TAGAP: variants seen among roughly 807,000 people sequenced by gnomAD.
TAGAP encodes the protein T-cell activation Rho GTPase-activating protein.
In TAGAP, 16 loss-of-function variants were observed where a neutral mutation model predicts 36.0. The observed-to-expected ratio is 0.44, with a 90% CI of 0.30 to 0.68. The LOEUF is 0.68. TAGAP is among the 30% of genes least tolerant of loss of function. The pLI, the probability that TAGAP is intolerant of heterozygous loss-of-function variation, is 0.09. For synonymous variants in TAGAP, 372 were observed against 377.4 expected, an observed-to-expected ratio of 0.99 and a Z score of 0.17; for missense variants, 794 against 921.5, an observed-to-expected ratio of 0.86 and a Z score of 1.79.
At chr6:159,043,258 A>G (rs886177737) in intron 4 of TAGAP, among the ~76,000 whole-genome samples, 1 of 152,232 alleles carries the variant, frequency 6.6e-6, no homozygotes, top group African/African-American at 2.4e-5. Context: ...TGCATTCTCC[A>G]TAAGAGAAGG....
rs186573983 is a variant in TAGAP at position 159,044,192 on chromosome 6, G to C, written c.-46C>G. 368 of 1,603,720 alleles carry C rather than the reference G, an allele frequency of 2.3e-4. No homozygotes were observed. In the African/African-American group the frequency reaches 4.1e-3, roughly 18 times the overall value. On this transcript the variant is annotated 5_prime_UTR_variant, in exon 2 of 10. Coordinates refer to ENST00000367066, the MANE Select transcript of TAGAP (RefSeq NM_054114.5). ...CAGGGGTGGATTTCACTCCCGTGTG[G>C]CTGTGCCTCTGTCTACAACGAATCA...
chr6:159,037,609 G>GA lies in TAGAP; in HGVS notation c.899-486dup, dbSNP rs1779593810. ...TGATATGACAAGAAATGTACCACAT[G>GA]AAAAGTTTATTTCTTTCTGAATTTA... On this transcript the variant is annotated intron_variant, in intron 9 of 9. Coordinates refer to ENST00000367066, the MANE Select transcript of TAGAP (RefSeq NM_054114.5). The surrounding 1 kb of genome is among the most constrained non-coding windows in gnomAD (Gnocchi z 5.1). Among the ~76,000 whole-genome samples, 1 of 152,130 alleles carries GA rather than the reference G, an allele frequency of 6.6e-6. No individual in the cohort carries two copies. The highest frequency in any genetic ancestry group is 1.5e-5 in the Non-Finnish European group (1 of 68,026).
At position 159,039,280 on chromosome 6, in the gene TAGAP, A is replaced by T. The variant is rs1779663362; in HGVS notation, c.617T>A (p.Leu206His). The T allele has an allele frequency of 1.9e-6, 3 of 1,613,512 alleles. No homozygotes were observed. The highest frequency in any genetic ancestry group is 2.5e-6 in the Non-Finnish European group (3 of 1,179,892). The change falls in exon 8 of 10, where the codon CTC (leucine) becomes CAC (histidine). Residue 206 changes from leucine to histidine, a missense_variant. Coordinates refer to ENST00000367066, the MANE Select transcript of TAGAP (RefSeq NM_054114.5). ...ATAGACCAAGTGCTTGAGTAGCAGG[A>T]GGTTGGGCCGGGGGAGCTTATCTGC... Reference protein sequence around the residue: ...QVADKLPRPNLLLLKHLVYVL... With the variant: ...QVADKLPRPNHLLLKHLVYVL...
rs978331017 is a variant in TAGAP at position 159,041,856 on chromosome 6, G to T, written c.315+222C>A. On this transcript the variant is annotated intron_variant, in intron 5 of 9. Coordinates refer to ENST00000367066, the MANE Select transcript of TAGAP (RefSeq NM_054114.5). The surrounding 1 kb of genome is among the most constrained non-coding windows in gnomAD (Gnocchi z 4.1). ...AAGTCAGAGGAATGGCGGGACCATA[G>T]CTCTGAGCTCATTGGCAAATACAAC... is the stretch of plus-strand genomic sequence containing the variant. The T allele has an allele frequency of 2.5e-5, 15 of 595,824 alleles. No individual in the cohort carries two copies. Among genetic ancestry groups the T allele is most frequent in the Non-Finnish European group, 4.4e-5 (15 of 343,962 alleles). The allele number at this position is 595,824 out of a possible 1,614,324, so 36.9% of individuals were successfully genotyped here.
At position 159,036,292 on chromosome 6, in the gene TAGAP, C is replaced by A. The variant is rs776646368; in HGVS notation, c.1731G>T (p.Ser577=). The A allele has an allele frequency of 1.9e-6, 3 of 1,613,272 alleles. No individual in the cohort carries two copies. Among genetic ancestry groups the A allele is most frequent in the Middle Eastern group, 1.6e-4 (1 of 6,062 alleles). ...CAGCTCCCTGGAACACATCATCCAC[C>A]GAGAGGGCGTGGGGTCTCAGGCAGA... The part of the protein sequence containing the change: ...RGFCLRPHAL[S]VDDVFQGADW... The change falls in exon 10 of 10, where the codon TCG becomes TCT. Residue 577 remains serine (S), a synonymous_variant. Transcript: ENST00000367066. The surrounding 1 kb of genome is among the most constrained non-coding windows in gnomAD (Gnocchi z 4.9).
At position 159,042,260 on chromosome 6, in the gene TAGAP, C is replaced by G; in HGVS notation, c.149-16G>C. ...TTCTTAACTTCTACAGCCAAGAAAA[C>G]AAGGCAACGAGAAAAATTAGACTAC... is the stretch of plus-strand genomic sequence containing the variant. On this transcript the variant is annotated splice_polypyrimidine_tract_variant and intron_variant, in intron 4 of 9. Transcript: ENST00000367066. 1 of 1,600,064 alleles carries G rather than the reference C, an allele frequency of 6.2e-7. No homozygotes were observed. Among genetic ancestry groups the G allele is most frequent in the Non-Finnish European group, 8.5e-7 (1 of 1,175,046 alleles).
Position 159,044,166 on chromosome 6 carries a change from C to T in TAGAP, c.-20G>A. 10 of 1,611,008 alleles carry T rather than the reference C, an allele frequency of 6.2e-6. No individual in the cohort carries two copies. The highest frequency in any genetic ancestry group is 7.6e-6 in the Non-Finnish European group (9 of 1,179,326). On this transcript the variant is annotated 5_prime_UTR_variant, in exon 2 of 10. Coordinates refer to ENST00000367066, the MANE Select transcript of TAGAP (RefSeq NM_054114.5). ...CTTCATCAGTATTGCGGCTGACTGT[C>T]CAGGGGTGGATTTCACTCCCGTGTG... is the stretch of plus-strand genomic sequence containing the variant.
chr6:159,041,365 C>G lies in TAGAP; in HGVS notation c.466G>C (p.Val156Leu). The G allele has an allele frequency of 1.9e-6, 3 of 1,613,848 alleles. No individual in the cohort carries two copies. Among genetic ancestry groups the G allele is most frequent in the Non-Finnish European group, 2.5e-6 (3 of 1,179,952 alleles). ...TGTGTTGAACTCACCTTAAAGACCA[C>G]AGCGAGGAGGTGCACGGGGAGCCTC... ...LERLPVHLLA[V>L]VFKDFLRSIP... Residue 156 changes from valine (V) to leucine (L), a missense_variant, in exon 6 of 10, where the codon GTG becomes CTG. Coordinates refer to ENST00000367066, the MANE Select transcript of TAGAP (RefSeq NM_054114.5). This position sits in a 1 kb window ranked among gnomAD's most constrained non-coding sequence, Gnocchi z 4.1.
In TAGAP at chr6:159,042,794, C is replaced by T. The variant is rs1018854670; in HGVS notation, c.149-550G>A. The stretch of plus-strand genomic sequence containing the variant: ...GAGGGAGCTAACACCATTTTTCCTT[C>T]CAGGTGACTGGTCACCTTGGGTTTT... On this transcript the variant is annotated intron_variant, in intron 4 of 9. Coordinates refer to ENST00000367066, the MANE Select transcript of TAGAP (RefSeq NM_054114.5). The T allele has an allele frequency of 3.1e-4, 48 of 152,836 alleles. 2 individuals are homozygous for T. The allele number at this position is 152,836 out of a possible 1,614,324, so 9.5% of individuals were successfully genotyped here.
rs1271939136 is a variant in TAGAP at position 159,044,107 on chromosome 6, GA to G, written c.27+12del. 7.4e-6 allele frequency: 12 copies of G among 1,614,026 alleles called. No homozygotes were observed. Among genetic ancestry groups the G allele is most frequent in the Admixed American group, 1.7e-5 (1 of 59,968 alleles). On this transcript the variant is annotated intron_variant, in intron 2 of 9. Coordinates refer to ENST00000367066, the MANE Select transcript of TAGAP (RefSeq NM_054114.5). The stretch of plus-strand genomic sequence containing the variant: ...AGGAAACGTGAATGAATGAATGTGA[GA>G]GGGGCACTCACAGCATTGTGGCTGC...
chr6:159,036,008 G>A lies in TAGAP; in HGVS notation c.2015C>T (p.Thr672Ile), dbSNP rs758060464. The change falls in exon 10 of 10, where the codon ACT becomes ATT. Residue 672 changes from threonine (T) to isoleucine (I), a missense_variant. Transcript: ENST00000367066. This position sits in a 1 kb window ranked among gnomAD's most constrained non-coding sequence, Gnocchi z 4.9. ...CAGAGAGTCCCCAGAAGCATGGACA[G>A]TTCTGCTCTGTTTCCATCGCTCAGG... ...PLPERWKQSR[T>I]VHASGDSLGH... 1.5e-5 allele frequency: 24 copies of A among 1,612,992 alleles called. No homozygotes were observed. In the African/African-American group the frequency reaches 2.8e-4, roughly 19 times the overall value.
chr6:159,042,224 C>T lies in TAGAP; in HGVS notation c.169G>A (p.Val57Met), dbSNP rs771357920. The change falls in exon 5 of 10, where the codon GTG becomes ATG. Residue 57 changes from valine (V) to methionine (M), a missense_variant. Physicochemically the swap from Val to Met is conservative, Grantham distance 21 (BLOSUM62 1). Coordinates refer to ENST00000367066, the MANE Select transcript of TAGAP (RefSeq NM_054114.5). ...QLIEVKKRKK[V>M]LSWPFLMRRL... The stretch of plus-strand genomic sequence containing the variant: ...CTCATGAGAAAGGGCCAGGACAGCA[C>T]CTTCTTTCTCTTCTTAACTTCTACA... The T allele has an allele frequency of 1.6e-5, 26 of 1,612,196 alleles. No homozygotes were observed. Among genetic ancestry groups the T allele is most frequent in the African/African-American group, 5.4e-5 (4 of 74,738 alleles).
chr6:159,041,647 G>T lies in TAGAP; in HGVS notation c.316-132C>A. 9.5e-7 allele frequency: 1 copy of T among 1,049,786 alleles called. No individual in the cohort carries two copies. Among genetic ancestry groups the T allele is most frequent in the Non-Finnish European group, 1.3e-6 (1 of 761,266 alleles). The allele number at this position is 1,049,786 out of a possible 1,614,324, so 65.0% of individuals were successfully genotyped here. Reference sequence around the variant, plus strand: ...GCTGTCAATGGCCTTCCTCAACCCTGCTATTTTTCTAAGAGGAGGCAAATT... The same window carrying T: ...GCTGTCAATGGCCTTCCTCAACCCTTCTATTTTTCTAAGAGGAGGCAAATT... On this transcript the variant is annotated intron_variant, in intron 5 of 9. Coordinates refer to ENST00000367066, the MANE Select transcript of TAGAP (RefSeq NM_054114.5). The surrounding 1 kb of genome is among the most constrained non-coding windows in gnomAD (Gnocchi z 4.1).
chr6:159,037,370 G>T lies in TAGAP; in HGVS notation c.899-246C>A, dbSNP rs375903395. Among the ~76,000 whole-genome samples the T allele has an allele frequency of 2.0e-5, 3 of 151,960 alleles. No individual in the cohort carries two copies. The South Asian group carries it at 6.2e-4, about 31-fold the overall frequency. ...TGCCTGGCTATTTTTTCTATTTTTAGTAGAGACGGGGTTTCACCATGTTGG... is the reference window on the plus strand; with the variant it reads ...TGCCTGGCTATTTTTTCTATTTTTATTAGAGACGGGGTTTCACCATGTTGG... On this transcript the variant is annotated intron_variant, in intron 9 of 9. Transcript: ENST00000367066. This position sits in a 1 kb window ranked among gnomAD's most constrained non-coding sequence, Gnocchi z 5.1.
chr6:159,044,247 A>G (rs1779858059), intron 1 of TAGAP, 43 bp from the exon 2 acceptor site: 2 of 1,255,248 alleles, frequency 1.6e-6, no homozygotes, highest in Non-Finnish European at 2.2e-6. Context: ...GGACTCACAC[A>G]GTAGGCCACT....
In TAGAP at chr6:159,035,900, C is replaced by A. The variant is rs1178225562; in HGVS notation, c.2123G>T (p.Cys708Phe). ...CGGCTGGCTACATCGTCGCACGAGA[C>A]AGTCCCGCTTATTCCTCTGCACGGA... ...SESVQRNKRDCLVRRCSQPVF... is the reference protein window; with the variant it reads ...SESVQRNKRDFLVRRCSQPVF... The change falls in exon 10 of 10, where the codon TGT becomes TTT. Residue 708 changes from cysteine to phenylalanine, a missense_variant. Cys to Phe is a radical substitution (Grantham distance 205). Transcript: ENST00000367066. 3 of 1,613,906 alleles carry A rather than the reference C, an allele frequency of 1.9e-6. No homozygotes were observed. The highest frequency in any genetic ancestry group is 2.5e-6 in the Non-Finnish European group (3 of 1,179,766).
Position 159,036,461 on chromosome 6 carries a change from G to A in TAGAP, c.1562C>T (p.Thr521Ile). 6.2e-7 allele frequency: 1 copy of A among 1,614,130 alleles called. No homozygotes were observed. Reference protein sequence around the residue: ...FTFAPHKKVLTKNLSAGSGKS... With the variant: ...FTFAPHKKVLIKNLSAGSGKS... ...CCCAGAGCCCGCGCTGAGGTTTTTG[G>A]TCAGCACTTTTTTGTGAGGGGCAAA... The change falls in exon 10 of 10, where the codon ACC (threonine) becomes ATC (isoleucine). Residue 521 changes from threonine (T) to isoleucine (I), a missense_variant. Thr to Ile is a moderately conservative substitution (Grantham distance 89). Coordinates refer to ENST00000367066, the MANE Select transcript of TAGAP (RefSeq NM_054114.5). The surrounding 1 kb of genome is among the most constrained non-coding windows in gnomAD (Gnocchi z 4.9).
In TAGAP at chr6:159,036,335, T is replaced by C. The variant is rs553216931; in HGVS notation, c.1688A>G (p.Asn563Ser). Residue 563 changes from asparagine to serine, a missense_variant, in exon 10 of 10, where the codon AAC becomes AGC. Transcript: ENST00000367066. This position sits in a 1 kb window ranked among gnomAD's most constrained non-coding sequence, Gnocchi z 4.9. ...IVQENGCETH[N>S]QTARGFCLRP... ...CAGGCAGAAGCCGCGGGCTGTTTGG[T>C]TGTGGGTTTCACACCCATTTTCCTG... 59 of 1,613,136 alleles carry C rather than the reference T, an allele frequency of 3.7e-5. No individual in the cohort carries two copies. Among genetic ancestry groups the C allele is most frequent in the Non-Finnish European group, 4.6e-5 (54 of 1,179,874 alleles).
In TAGAP at chr6:159,037,123, A is replaced by T; in HGVS notation, c.900T>A (p.Asp300Glu). ...CTGAGTCATTCTGCAGGGTCGACACATCTGGGGGAAGTCAAGCAGCAGTTG... is the reference window on the plus strand; with the variant it reads ...CTGAGTCATTCTGCAGGGTCGACACTTCTGGGGGAAGTCAAGCAGCAGTTG... The part of the protein sequence containing the change: ...DDSLEHTDSS[D>E]VSTLQNDSAY... Residue 300 changes from aspartate (D) to glutamate (E), a missense_variant and splice_region_variant, in exon 10 of 10, where the codon GAT becomes GAA. Coordinates refer to ENST00000367066, the MANE Select transcript of TAGAP (RefSeq NM_054114.5). This position sits in a 1 kb window ranked among gnomAD's most constrained non-coding sequence, Gnocchi z 5.1. 6.3e-7 allele frequency: 1 copy of T among 1,597,404 alleles called. No homozygotes were observed.
Sources: gnomAD v4.1 joint callset for allele counts (sites outside exome capture counted in the v4.1 genomes callset) on GRCh38, gnomAD v4.1.1 for gene constraint, Gnocchi (gnomAD v3.1) non-coding constraint, MANE v1.5 for transcripts, NCBI Gene and HGNC (gene_info 2026-07-23, HGNC 2026-07-21) for gene names.